Variants in STK39 observed in about 807,000 individuals in gnomAD.
The protein encoded by STK39 is serine/threonine kinase 39, also known as STE20/SPS1-related proline-alanine-rich protein kinase.
In STK39, 20 loss-of-function variants were observed where a neutral mutation model predicts 77.8. That is an observed-to-expected ratio of 0.26 (90% confidence interval 0.18 to 0.37). The LOEUF is 0.37. Among genes scored for constraint, STK39 ranks in the 10% least tolerant of loss-of-function variants. The probability of loss-of-function intolerance (pLI) is 1.00; values close to 1 mark genes in which losing one functional copy is unlikely to be tolerated. For synonymous variants in STK39, 246 were observed against 234.1 expected, an observed-to-expected ratio of 1.05 and a Z score of -0.47; for missense variants, 479 against 656.5, an observed-to-expected ratio of 0.73 and a Z score of 2.95.
intron 2 of STK39, among the ~76,000 whole-genome samples, chr2:168,176,373 A>G (rs1688956496): frequency 6.6e-6 from 1 of 152,180 alleles, no homozygotes; most frequent in Admixed American, 6.5e-5. Flanking sequence ...AGGTCACCAA[A>G]TCTTTTAATT....
At chr2:168,035,796 T>A (rs558055962) in intron 14 of STK39, among the ~76,000 whole-genome samples, 1 of 152,172 alleles carries the variant, frequency 6.6e-6, no homozygotes, top group Admixed American at 6.5e-5. Context: ...GTCCTTAAGA[T>A]AATTCTCATC....
chr2:168,065,388 C>A lies in STK39; in HGVS notation c.1243-7G>T. 1 of 1,613,916 alleles carries A rather than the reference C, an allele frequency of 6.2e-7. No individual in the cohort carries two copies. Among genetic ancestry groups the A allele is most frequent in the African/African-American group, 1.3e-5 (1 of 75,006 alleles). ...TGCTGGCACTCACTGCAATCTGTTACGAGAGCCACCGTTACAGCATTCAAG... is the reference window on the plus strand; with the variant it reads ...TGCTGGCACTCACTGCAATCTGTTAAGAGAGCCACCGTTACAGCATTCAAG... On this transcript the variant is annotated splice_polypyrimidine_tract_variant and splice_region_variant and intron_variant, in intron 12 of 17. Coordinates refer to ENST00000355999, the MANE Select transcript of STK39 (RefSeq NM_013233.3).
intron 16 of STK39, among the ~76,000 whole-genome samples, chr2:167,970,981 G>T (rs1037287133): frequency 7.2e-5 from 11 of 152,170 alleles, no homozygotes; most frequent in Admixed American, 7.2e-4. Flanking sequence ...ATCATTCATT[G>T]CTCAATTAAA....
In STK39 at chr2:168,075,199, A is replaced by C; in HGVS notation, c.1122T>G (p.Leu374=). 6.2e-7 allele frequency: 1 copy of C among 1,614,114 alleles called. No individual in the cohort carries two copies. Among genetic ancestry groups the C allele is most frequent in the East Asian group, 2.2e-5 (1 of 44,892 alleles). ...VRRVPGSSGH[L]HKTEDGDWEW... is the part of the protein sequence containing the mutation. Reference sequence around the variant, plus strand: ...CCCAGTCCCCGTCTTCGGTTTTATGAAGGTGACCACTTGACCCAGGAACTC... The same window carrying C: ...CCCAGTCCCCGTCTTCGGTTTTATGCAGGTGACCACTTGACCCAGGAACTC... Residue 374 remains leucine (L), a synonymous_variant, in exon 11 of 18, where the codon CTT becomes CTG. Transcript: ENST00000355999.
chr2:167,972,287 T>A (rs1050663795), intron 16 of STK39, among the ~76,000 whole-genome samples: 1 of 152,204 alleles, frequency 6.6e-6, no homozygotes, highest in Non-Finnish European at 1.5e-5. Flanking sequence ...AGAAAAGAAT[T>A]CTGAGGCTGA....
intron 16 of STK39, among the ~76,000 whole-genome samples, chr2:167,965,530 T>C (rs886191780): frequency 3.3e-5 from 5 of 152,214 alleles, no homozygotes; most frequent in African/African-American, 1.2e-4. Context: ...GTACTGCTAA[T>C]GAACAGAATT....
chr2:168,157,054 T>TTA (rs1688447799), intron 5 of STK39, among the ~76,000 whole-genome samples: 1 of 152,230 alleles, frequency 6.6e-6, no homozygotes, highest in Non-Finnish European at 1.5e-5. Context: ...CTTGCCCATC[T>TTA]TCCTCTAGCT....
At chr2:168,221,135 T>C (rs1690158347) in intron 1 of STK39, among the ~76,000 whole-genome samples, 4 of 152,200 alleles carry the variant, frequency 2.6e-5, no homozygotes. Flanking sequence ...ATCACTAGGA[T>C]ACCTTTGTTC....
At chr2:167,993,177 T>C (rs963266844) in intron 16 of STK39, among the ~76,000 whole-genome samples, 1 of 152,208 alleles carries the variant, frequency 6.6e-6, no homozygotes, top group African/African-American at 2.4e-5. Flanking sequence ...GACTATTTAA[T>C]GGGAGTACTA....
At chr2:168,033,285 T>A (rs925823681) in intron 14 of STK39, among the ~76,000 whole-genome samples, 1 of 151,678 alleles carries the variant, frequency 6.6e-6, no homozygotes, top group African/African-American at 2.4e-5. Flanking sequence ...TGAGAGCATT[T>A]GAGGTGCTTT....
intron 8 of STK39, among the ~76,000 whole-genome samples, chr2:168,133,009 C>T (rs1687740072): frequency 6.6e-6 from 1 of 152,162 alleles, no homozygotes; most frequent in Non-Finnish European, 1.5e-5. Context: ...AGGAGAAAGA[C>T]TTAATGAAAA....
rs547299598 is a variant in STK39 at position 168,169,730 on chromosome 2, G to T, written c.322-2323C>A. 1.6e-4 allele frequency among the ~76,000 whole-genome samples: 24 copies of T among 151,890 alleles called. No individual in the cohort carries two copies. The South Asian group carries it at 2.1e-3, about 13-fold the overall frequency. ...AAATTCTATTCCTTCAAAACTCTGA[G>T]TCTTAGAGACACCATCTGGACATTA... On this transcript the variant is annotated intron_variant, in intron 2 of 17. Coordinates refer to ENST00000355999, the MANE Select transcript of STK39 (RefSeq NM_013233.3).
At chr2:168,218,737 A>G (rs892430355) in intron 1 of STK39, among the ~76,000 whole-genome samples, 2 of 152,240 alleles carry the variant, frequency 1.3e-5, no homozygotes, top group Non-Finnish European at 2.9e-5. Context: ...AAGAAATAAA[A>G]GCAGATTCCA....
intron 1 of STK39, among the ~76,000 whole-genome samples, chr2:168,204,356 C>A (rs190036106): frequency 2.6e-5 from 4 of 152,322 alleles, no homozygotes; most frequent in Non-Finnish European, 4.4e-5. Flanking sequence ...TCCCCATCCT[C>A]CACCAACCAT....
chr2:168,115,681 T>C (rs749175682), intron 10 of STK39, among the ~76,000 whole-genome samples: 1 of 152,180 alleles, frequency 6.6e-6, no homozygotes, highest in Non-Finnish European at 1.5e-5. Flanking sequence ...TTAAATGAAA[T>C]TGCAGGTAGA....
At chr2:168,120,739 C>CTAATT (rs111788148) in intron 10 of STK39, among the ~76,000 whole-genome samples, 36 of 152,246 alleles carry the variant, frequency 2.4e-4, no homozygotes, top group Middle Eastern at 6.8e-3. Flanking sequence ...TATGTATTAC[C>CTAATT]TAATTTAGTC....
At chr2:168,213,207 A>G (rs16855133) in intron 1 of STK39, among the ~76,000 whole-genome samples, 24,019 of 152,216 alleles carry the variant, frequency 0.16, 2,265 homozygotes, top group African/African-American at 0.25. Context: ...CTGAATTTAG[A>G]AAGTGAGAAA....
intron 14 of STK39, among the ~76,000 whole-genome samples, chr2:168,018,781 T>C (rs1356931862): frequency 1.3e-5 from 2 of 152,094 alleles, no homozygotes; most frequent in Non-Finnish European, 2.9e-5. Flanking sequence ...CAAACCACAA[T>C]GAAGCTGGTC....
chr2:167,999,180 A>G lies in STK39; in HGVS notation c.1498+13454T>C, dbSNP rs1285551518. 8.5e-5 allele frequency among the ~76,000 whole-genome samples: 13 copies of G among 152,272 alleles called. No individual in the cohort carries two copies. The East Asian group carries it at 2.3e-3, about 27-fold the overall frequency. ...TTTACAAAATCCATTATTTCTACAC[A>G]TGCCTATCTACGACTTCACTCAAAT... On this transcript the variant is annotated intron_variant, in intron 16 of 17. Coordinates refer to ENST00000355999, the MANE Select transcript of STK39 (RefSeq NM_013233.3).
Sources: allele counts gnomAD v4.1 joint callset (sites outside exome capture counted in the v4.1 genomes callset), GRCh38; gene constraint gnomAD v4.1.1; transcripts MANE v1.5; gene names NCBI Gene and HGNC (gene_info 2026-07-23, HGNC 2026-07-21).